TAFA2: variants seen among roughly 807,000 people sequenced by gnomAD.
TAFA2 encodes chemokine-like protein TAFA-2.
TAFA2 carries 7 observed loss-of-function variants against 18.8 expected under a neutral mutation model. That is an observed-to-expected ratio of 0.37 (90% CI 0.21 to 0.70). TAFA2 has a LOEUF of 0.70. Ranked by LOEUF, TAFA2 falls within the 30% of genes least tolerant of loss-of-function variation. The pLI, the probability that TAFA2 is intolerant of heterozygous loss-of-function variation, is 0.53. For synonymous variants in TAFA2, 60 were observed against 54.2 expected, an observed-to-expected ratio of 1.11 and a Z score of -0.47; for missense variants, 122 against 158.1, an observed-to-expected ratio of 0.77 and a Z score of 1.23.
chr12:61,794,620 CCTAA>C (rs1871116978), intron 2 of TAFA2, among the ~76,000 whole-genome samples: 1 of 151,914 alleles, frequency 6.6e-6, no homozygotes, highest in South Asian at 2.1e-4. Flanking sequence ...CCATTGTAAT[CCTAA>C]CTGACACCAA....
chr12:62,168,405 A>G lies in TAFA2; in HGVS notation c.-2+22854T>C, dbSNP rs148652655. ...CAATTAACCAAAACAGAGAACAAAT[A>G]AAGAGGTTAAAAACATGGCAAAGAT... On this transcript the variant is annotated intron_variant, in intron 1 of 4. Transcript: ENST00000416284. Among the ~76,000 whole-genome samples the G allele has an allele frequency of 3.1e-3, 473 of 152,356 alleles. 1 individual carries two copies. The highest frequency in any genetic ancestry group is 0.011 in the African/African-American group (459 of 41,582).
intron 2 of TAFA2, among the ~76,000 whole-genome samples, chr12:61,825,263 C>T (rs903069725): frequency 2.6e-5 from 4 of 151,776 alleles, no homozygotes; most frequent in Non-Finnish European, 4.4e-5. Flanking sequence ...GAAGACACTG[C>T]GGATGTGGAC....
rs1004284058 is a variant in TAFA2 at position 61,841,365 on chromosome 12, A to G, written c.106+25955T>C. Among the ~76,000 whole-genome samples the G allele has an allele frequency of 2.0e-5, 3 of 152,088 alleles. 1 individual carries two copies. On this transcript the variant is annotated intron_variant, in intron 2 of 4. Transcript: ENST00000416284. ...CACATAAGGCCAGTTCAAACAATTG[A>G]AGGATACAAAGTTAACCAGGTACCA...
chr12:61,786,625 C>G (rs1381835703), intron 2 of TAFA2, among the ~76,000 whole-genome samples: 2 of 150,980 alleles, frequency 1.3e-5, no homozygotes, highest in Non-Finnish European at 3.0e-5. Context: ...ACAGAAAAGT[C>G]AAAAATATAA....
At chr12:62,122,614 C>A (rs770234851) in intron 1 of TAFA2, among the ~76,000 whole-genome samples, 27 of 152,054 alleles carry the variant, frequency 1.8e-4, no homozygotes, top group African/African-American at 3.1e-4. Flanking sequence ...CTGATGAACC[C>A]AAGATTCCAA....
intron 1 of TAFA2, among the ~76,000 whole-genome samples, chr12:61,923,800 G>T (rs538286297): frequency 6.6e-6 from 1 of 151,898 alleles, no homozygotes; most frequent in African/African-American, 2.4e-5. Flanking sequence ...CCGAGCTAAA[G>T]GAGCATGTTC....
At chr12:61,810,304 G>C (rs1041389378) in intron 2 of TAFA2, among the ~76,000 whole-genome samples, 2 of 149,532 alleles carry the variant, frequency 1.3e-5, no homozygotes, top group East Asian at 1.9e-4. Flanking sequence ...TTTTAAGAAG[G>C]CTTAGCCATT....
intron 2 of TAFA2, among the ~76,000 whole-genome samples, chr12:61,864,274 G>A (rs182606548): frequency 6.6e-6 from 1 of 151,650 alleles, no homozygotes; most frequent in East Asian, 1.9e-4. Context: ...TACCATGAGT[G>A]AAAGTCACCA....
At position 62,175,692 on chromosome 12, in the gene TAFA2, G is replaced by A. The variant is rs200896244; in HGVS notation, c.-2+15567C>T. On this transcript the variant is annotated intron_variant, in intron 1 of 4. Transcript: ENST00000416284. ...TGACACTGAATCTATTCTTTCAAAA[G>A]GGGCCTTTCTCTTAGCCTCAGCTAG... is the stretch of plus-strand genomic sequence containing the variant. Among the ~76,000 whole-genome samples, 162 of 152,032 alleles carry A rather than the reference G, an allele frequency of 1.1e-3. 2 individuals are homozygous for A. The highest frequency in any genetic ancestry group is 3.7e-3 in the African/African-American group (155 of 41,514).
chr12:61,910,126 GTGTGTGT>G (rs1876546082), intron 1 of TAFA2, among the ~76,000 whole-genome samples: 1 of 147,584 alleles, frequency 6.8e-6, no homozygotes, highest in Non-Finnish European at 1.5e-5. Context: ...GTGTGTGTGT[GTGTGTGT>G]GTTTTGGGGG....
intron 1 of TAFA2, among the ~76,000 whole-genome samples, chr12:62,011,862 C>T (rs1880782087): frequency 6.6e-6 from 1 of 151,930 alleles, no homozygotes; most frequent in Non-Finnish European, 1.5e-5. Flanking sequence ...TTCTGTAAAC[C>T]TCAGTTTGCC....
intron 2 of TAFA2, among the ~76,000 whole-genome samples, chr12:61,809,694 AG>A (rs1313296380): frequency 6.6e-6 from 1 of 151,330 alleles, no homozygotes; most frequent in Non-Finnish European, 1.5e-5. Context: ...TTTATGTCTT[AG>A]TTTTTTTACT....
intron 1 of TAFA2, among the ~76,000 whole-genome samples, chr12:61,902,452 C>T (rs1171356800): frequency 6.6e-6 from 1 of 152,148 alleles, no homozygotes; most frequent in Non-Finnish European, 1.5e-5. Flanking sequence ...GTAACATGAA[C>T]ACAGTTGAGC....
intron 1 of TAFA2, among the ~76,000 whole-genome samples, chr12:62,074,924 AC>A (rs1713276290): frequency 1.3e-5 from 2 of 151,170 alleles, no homozygotes; most frequent in East Asian, 3.9e-4. Flanking sequence ...CTGGTTTCAA[AC>A]TCCTGGCCTC....
intron 1 of TAFA2, among the ~76,000 whole-genome samples, chr12:62,169,955 T>C (rs1425276755): frequency 6.6e-6 from 1 of 151,654 alleles, no homozygotes; most frequent in Non-Finnish European, 1.5e-5. Context: ...AGCTGTATAA[T>C]AAAAATGAGC....
chr12:62,205,256 CTGTG>C (rs750919027), intron 1 of TAFA2, among the ~76,000 whole-genome samples: 3 of 152,218 alleles, frequency 2.0e-5, no homozygotes, highest in Non-Finnish European at 4.4e-5. Context: ...GGGAATGCTC[CTGTG>C]TAAGGTGTCT....
At chr12:62,060,772 CTAATGTGT>C (rs1451447643) in intron 1 of TAFA2, among the ~76,000 whole-genome samples, 1 of 151,626 alleles carries the variant, frequency 6.6e-6, no homozygotes, top group Non-Finnish European at 1.5e-5. Flanking sequence ...AGGCCTAGGC[CTAATGTGT>C]ATGTTTGTGT....
chr12:62,088,948 G>A (rs1235985586), intron 1 of TAFA2, among the ~76,000 whole-genome samples: 1 of 151,328 alleles, frequency 6.6e-6, no homozygotes, highest in Admixed American at 6.6e-5. Context: ...GCACGCATCT[G>A]TCTCACATAC....
intron 1 of TAFA2, among the ~76,000 whole-genome samples, chr12:62,177,755 T>C (rs1434430608): frequency 2.0e-5 from 3 of 152,128 alleles, no homozygotes; most frequent in Non-Finnish European, 4.4e-5. Flanking sequence ...CAGGACCCAT[T>C]ATTGACTCTT....
Sources: gnomAD v4.1 joint callset for allele counts (sites outside exome capture counted in the v4.1 genomes callset) on GRCh38, gnomAD v4.1.1 for gene constraint, MANE v1.5 for transcripts, NCBI Gene and HGNC (gene_info 2026-07-23, HGNC 2026-07-21) for gene names.